The following CAMK2D variants were observed in gnomAD, a reference collection of about 807,000 sequenced individuals.
CAMK2D encodes calcium/calmodulin dependent protein kinase II delta.
In CAMK2D, 37 loss-of-function variants were observed where a neutral mutation model predicts 84.0. The ratio of observed to expected loss-of-function variants is 0.44; its 90% confidence interval spans 0.34 to 0.58. CAMK2D has a LOEUF of 0.58. CAMK2D is among the 20% of genes least tolerant of loss of function. CAMK2D has a pLI of 0.02. For missense variants in CAMK2D, 448 were observed against 652.5 expected, an observed-to-expected ratio of 0.69 and a Z score of 3.41; for synonymous variants, 202 against 212.5, an observed-to-expected ratio of 0.95 and a Z score of 0.43.
Position 113,525,277 on chromosome 4 carries a change from T to C in CAMK2D, c.601+5939A>G, listed in dbSNP as rs539967633. On this transcript the variant is annotated intron_variant, in intron 8 of 20. Coordinates refer to ENST00000511664, the MANE Select transcript of CAMK2D (RefSeq NM_001321571.2). ...CAGAAAAGTAGCAAGACAACACATATGTACATAGGGTGCGGGAGAGACCTA... is the reference window on the plus strand; with the variant it reads ...CAGAAAAGTAGCAAGACAACACATACGTACATAGGGTGCGGGAGAGACCTA... Among the ~76,000 whole-genome samples the C allele has an allele frequency of 5.3e-5, 8 of 152,308 alleles. No homozygotes were observed. In the South Asian group the frequency reaches 1.0e-3, roughly 20 times the overall value.
intron 2 of CAMK2D, among the ~76,000 whole-genome samples, chr4:113,747,559 T>C (rs1282562243): frequency 6.6e-6 from 1 of 152,140 alleles, no homozygotes; most frequent in Non-Finnish European, 1.5e-5. Context: ...TATGAACTTT[T>C]TTAAACAGTC....
At chr4:113,639,902 T>TA (rs1407399627) in intron 3 of CAMK2D, among the ~76,000 whole-genome samples, 1 of 152,058 alleles carries the variant, frequency 6.6e-6, no homozygotes, top group Non-Finnish European at 1.5e-5. Flanking sequence ...GTTGCATTTT[T>TA]AAAAAACCCC....
chr4:113,646,927 C>A (rs2099154309), intron 3 of CAMK2D, among the ~76,000 whole-genome samples: 1 of 152,172 alleles, frequency 6.6e-6, no homozygotes, highest in Non-Finnish European at 1.5e-5. Context: ...AAACAAATAA[C>A]TGCATCATAA....
intron 2 of CAMK2D, among the ~76,000 whole-genome samples, chr4:113,746,686 G>GT (rs2099604835): frequency 6.6e-6 from 1 of 152,056 alleles, no homozygotes; most frequent in African/African-American, 2.4e-5. Context: ...TTACAGAAAA[G>GT]TAGGTCTCAA....
At chr4:113,721,272 T>C (rs186781507) in intron 2 of CAMK2D, among the ~76,000 whole-genome samples, 1 of 152,288 alleles carries the variant, frequency 6.6e-6, no homozygotes, top group Admixed American at 6.5e-5. Context: ...ACAGATCAAG[T>C]TGAGATATTA....
intron 18 of CAMK2D, among the ~76,000 whole-genome samples, chr4:113,458,580 TAG>T (rs575866212): frequency 3.9e-5 from 6 of 152,188 alleles, no homozygotes; most frequent in African/African-American, 9.7e-5. Flanking sequence ...ATGGTGTCGA[TAG>T]AGAGTTAGTT....
chr4:113,639,870 T>C (rs1262437102), intron 3 of CAMK2D, among the ~76,000 whole-genome samples: 1 of 152,030 alleles, frequency 6.6e-6, no homozygotes, highest in Non-Finnish European at 1.5e-5. Context: ...TGGGAGGATT[T>C]TGAGGAGAGT....
intron 9 of CAMK2D, among the ~76,000 whole-genome samples, chr4:113,515,646 C>T (rs1361333282): frequency 2.0e-5 from 3 of 152,072 alleles, no homozygotes; most frequent in Non-Finnish European, 4.4e-5. Context: ...TATATACTTT[C>T]ACAACTCATA....
intron 4 of CAMK2D, among the ~76,000 whole-genome samples, chr4:113,586,989 T>G (rs1024877788): frequency 7.2e-5 from 11 of 152,290 alleles, no homozygotes; most frequent in Admixed American, 2.0e-4. Flanking sequence ...CATTCAAAAC[T>G]AAATGCAAGC....
chr4:113,595,422 T>C (rs1300541551), intron 4 of CAMK2D, among the ~76,000 whole-genome samples: 2 of 147,960 alleles, frequency 1.4e-5, no homozygotes, highest in Non-Finnish European at 3.0e-5. Flanking sequence ...TAGCAACAAT[T>C]TATTCAATTA....
At chr4:113,726,727 GATGTT>G (rs1193991631) in intron 2 of CAMK2D, among the ~76,000 whole-genome samples, 1 of 151,880 alleles carries the variant, frequency 6.6e-6, no homozygotes, top group African/African-American at 2.4e-5. Context: ...CTTTTTATGT[GATGTT>G]TTATGAGAAT....
intron 3 of CAMK2D, 131 bp downstream of exon 3, chr4:113,661,582 A>G: frequency 2.1e-6 from 1 of 470,382 alleles, no homozygotes; most frequent in South Asian, 5.1e-5. Context: ...AAATGTAACC[A>G]AGATTGAAAG....
chr4:113,738,398 T>C (rs1174289757), intron 2 of CAMK2D, among the ~76,000 whole-genome samples: 1 of 152,108 alleles, frequency 6.6e-6, no homozygotes, highest in Non-Finnish European at 1.5e-5. Flanking sequence ...GCTGTTTAAA[T>C]ATACCCATAT....
At chr4:113,545,910 C>T (rs1193690520) in intron 6 of CAMK2D, among the ~76,000 whole-genome samples, 1 of 152,150 alleles carries the variant, frequency 6.6e-6, no homozygotes, top group East Asian at 1.9e-4. Flanking sequence ...AAATCATCTG[C>T]TTAAGTTTTT....
At chr4:113,666,596 C>T (rs577617209) in intron 2 of CAMK2D, among the ~76,000 whole-genome samples, 41 of 151,962 alleles carry the variant, frequency 2.7e-4, no homozygotes, top group Admixed American at 1.4e-3. Flanking sequence ...CACACACGCA[C>T]GCATGCACAC....
chr4:113,530,310 A>G (rs1039454062), intron 8 of CAMK2D, among the ~76,000 whole-genome samples: 1 of 152,184 alleles, frequency 6.6e-6, no homozygotes, highest in African/African-American at 2.4e-5. Flanking sequence ...ATTTTATGAA[A>G]TATTTTAAAT....
At chr4:113,480,917 C>A (rs2097693987) in intron 16 of CAMK2D, among the ~76,000 whole-genome samples, 1 of 152,106 alleles carries the variant, frequency 6.6e-6, no homozygotes, top group Non-Finnish European at 1.5e-5. Flanking sequence ...GCAAGAGGTG[C>A]CATTTTTAAA....
At chr4:113,724,727 T>A (rs2099540822) in intron 2 of CAMK2D, among the ~76,000 whole-genome samples, 1 of 151,950 alleles carries the variant, frequency 6.6e-6, no homozygotes, top group Non-Finnish European at 1.5e-5. Context: ...AGTTTTCTTC[T>A]TGCTTTCCTT....
At chr4:113,520,255 A>G (rs2098338598) in intron 8 of CAMK2D, among the ~76,000 whole-genome samples, 1 of 152,018 alleles carries the variant, frequency 6.6e-6, no homozygotes, top group Non-Finnish European at 1.5e-5. Flanking sequence ...AAAATACAAA[A>G]AAATTAACCG....
Sources: gnomAD v4.1 joint callset for allele counts (sites outside exome capture counted in the v4.1 genomes callset) on GRCh38, gnomAD v4.1.1 for gene constraint, MANE v1.5 for transcripts, NCBI Gene and HGNC (gene_info 2026-07-23, HGNC 2026-07-21) for gene names.